MAPT: variants seen among roughly 807,000 people sequenced by gnomAD.
MAPT encodes the protein microtubule associated protein tau.
MAPT carries 34 observed loss-of-function variants against 67.9 expected under a neutral mutation model. The ratio of observed to expected loss-of-function variants is 0.50; its 90% CI spans 0.38 to 0.67. The LOEUF (loss-of-function observed/expected upper bound fraction) is 0.67. MAPT is among the 30% of genes least tolerant of loss of function. The pLI, the probability that MAPT is intolerant of heterozygous loss-of-function variation, is 0.00. For missense variants in MAPT, 881 were observed against 1,115.2 expected (o/e 0.79, Z 2.99); for synonymous variants, 456 against 464.5 (o/e 0.98, Z 0.23).
intron 1 of MAPT, among the ~76,000 whole-genome samples, chr17:45,899,003 G>A (rs2063453748): frequency 6.6e-6 from 1 of 152,176 alleles, no homozygotes. Flanking sequence ...ATGCCCAGGA[G>A]TTAGGTGCTT....
rs66499584 is a variant in MAPT, at chr17:46,014,414, G to A, written c.2173+90G>A. On this transcript the variant is annotated intron_variant, in intron 11 of 12. Transcript: ENST00000262410. Reference sequence around the variant, plus strand: ...CTGGAACTGCTCCAGACTTCAGAAGGGGCTGGAAAGGATATTTTAGGTAGA... The same window carrying A: ...CTGGAACTGCTCCAGACTTCAGAAGAGGCTGGAAAGGATATTTTAGGTAGA... The A allele has an allele frequency of 0.17, 154,494 of 895,370 alleles. 15,737 individuals carry two copies. The highest frequency in any genetic ancestry group is 0.45 in the East Asian group (18,376 of 40,944). 55.5% of individuals were successfully genotyped at this position (895,370 alleles called of 1,614,324 possible). A position where few individuals can be genotyped will look rare whatever the true frequency, so the allele number is the denominator to read the frequency against.
At position 45,896,377 on chromosome 17, in the gene MAPT, G is replaced by A. The variant is rs1179378177; in HGVS notation, c.-18+1691G>A. On this transcript the variant is annotated intron_variant, in intron 1 of 12. Coordinates refer to ENST00000262410, the MANE Select transcript of MAPT (RefSeq NM_001377265.1). The surrounding 1 kb of genome is among the most constrained non-coding windows in gnomAD (Gnocchi z 5.6). ...GGCTACCCATCCGGGGATGGGTGGGGAGCCCTGGCGGGGCCTCTCCGGCTT... is the reference window on the plus strand; with the variant it reads ...GGCTACCCATCCGGGGATGGGTGGGAAGCCCTGGCGGGGCCTCTCCGGCTT... The A allele has an allele frequency of 6.6e-6, 1 of 152,302 alleles. No homozygotes were observed. Among genetic ancestry groups the A allele is most frequent in the African/African-American group, 2.4e-5 (1 of 41,446 alleles). The allele number at this position is 152,302 out of a possible 1,614,324, so 9.4% of individuals were successfully genotyped here.
At chr17:46,014,410 G>T in intron 11 of MAPT, 86 bp downstream of exon 11, 1 of 918,178 alleles carries the variant, frequency 1.1e-6, no homozygotes, top group South Asian at 1.3e-5. Context: ...CCAGACTTCA[G>T]AAGGGGCTGG....
chr17:45,903,952 T>TTATATATTATATATTATATATTA (rs2063887133), intron 1 of MAPT, among the ~76,000 whole-genome samples: 1 of 13,208 alleles, frequency 7.6e-5, no homozygotes, highest in African/African-American at 2.9e-4. Flanking sequence ...ATAATATATA[T>TTATATATTATATATTATATATTA]TATATATTAT....
chr17:46,007,965 A>G (rs1400287694), intron 9 of MAPT, among the ~76,000 whole-genome samples: 1 of 152,238 alleles, frequency 6.6e-6, no homozygotes, highest in Non-Finnish European at 1.5e-5. Context: ...TTGAAGTACA[A>G]AGTGGAATCA....
chr17:45,919,544 T>C (rs1432459148), intron 1 of MAPT, among the ~76,000 whole-genome samples: 1 of 152,182 alleles, frequency 6.6e-6, no homozygotes, highest in Non-Finnish European at 1.5e-5. Context: ...TACATGTTTC[T>C]ACCTTCCCCT....
intron 1 of MAPT, among the ~76,000 whole-genome samples, chr17:45,904,043 T>G (rs1265458846): frequency 8.4e-5 from 1 of 11,926 alleles, no homozygotes; most frequent in Admixed American, 1.6e-3. Flanking sequence ...TATTATATAT[T>G]TATATATATT....
chr17:45,971,952 C>A lies in MAPT; in HGVS notation c.220+7C>A. The A allele has an allele frequency of 6.2e-7, 1 of 1,613,050 alleles. No individual in the cohort carries two copies. The highest frequency in any genetic ancestry group is 8.5e-7 in the Non-Finnish European group (1 of 1,179,198). On this transcript the variant is annotated splice_region_variant and intron_variant, in intron 3 of 12. Coordinates refer to ENST00000262410, the MANE Select transcript of MAPT (RefSeq NM_001377265.1). The surrounding 1 kb of genome is among the most constrained non-coding windows in gnomAD (Gnocchi z 4.3). ...AGCACTCCAACAGCGGAAGGTGGGC[C>A]CCCCTTCAGACGCCCCCTCCATGCC...
rs1040214787 is a variant in MAPT, at chr17:46,024,422, C to T, written c.*251C>T. 1.2e-5 allele frequency: 7 copies of T among 575,264 alleles called. No individual in the cohort carries two copies. Among genetic ancestry groups the T allele is most frequent in the Non-Finnish European group, 2.2e-5 (7 of 322,020 alleles). The allele number at this position is 575,264 out of a possible 1,614,324, so 35.6% of individuals were successfully genotyped here. A position where few individuals can be genotyped will look rare whatever the true frequency, so the allele number is the denominator to read the frequency against. On this transcript the variant is annotated 3_prime_UTR_variant, in exon 13 of 13. Transcript: ENST00000262410. Reference sequence around the variant, plus strand: ...TAGTAATAAAATATTTAAAAAAAAACATTCAAAAACATGGCCACATCCAAC... The same window carrying T: ...TAGTAATAAAATATTTAAAAAAAAATATTCAAAAACATGGCCACATCCAAC...
In MAPT at chr17:45,897,080, C is replaced by A. The variant is rs898507078; in HGVS notation, c.-18+2394C>A. 3 of 152,278 alleles carry A rather than the reference C, an allele frequency of 2.0e-5. No individual in the cohort carries two copies. Among genetic ancestry groups the A allele is most frequent in the East Asian group, 3.9e-4 (2 of 5,192 alleles). The allele number at this position is 152,278 out of a possible 1,614,324, so 9.4% of individuals were successfully genotyped here. A position where few individuals can be genotyped will look rare whatever the true frequency, so the allele number is the denominator to read the frequency against. On this transcript the variant is annotated intron_variant, in intron 1 of 12. Transcript: ENST00000262410. This position sits in a 1 kb window ranked among gnomAD's most constrained non-coding sequence, Gnocchi z 5.0. ...GTAGAGGGCTGGAGCCTGGGTACTG[C>A]GAGGCTCCTCGCATGGCTGGGCCCG...
intron 12 of MAPT, among the ~76,000 whole-genome samples, chr17:46,021,282 A>G (rs967314493): frequency 6.6e-6 from 1 of 152,176 alleles, no homozygotes; most frequent in Admixed American, 6.5e-5. Flanking sequence ...TCGCTATCCA[A>G]AGTGAGAAAA....
intron 1 of MAPT, among the ~76,000 whole-genome samples, chr17:45,910,465 C>T (rs983380899): frequency 3.9e-5 from 6 of 152,022 alleles, no homozygotes; most frequent in African/African-American, 1.4e-4. Flanking sequence ...GGGGCATGGT[C>T]TTCCCCCTAG....
rs1262124359 is a variant in MAPT at position 45,903,993 on chromosome 17, T to C, written c.-18+9307T>C. On this transcript the variant is annotated intron_variant, in intron 1 of 12. Coordinates refer to ENST00000262410, the MANE Select transcript of MAPT (RefSeq NM_001377265.1). ...ATATATTATATATTATATATTTATATATATTATATATTATATATATTATAT... is the reference window on the plus strand; with the variant it reads ...ATATATTATATATTATATATTTATACATATTATATATTATATATATTATAT... Among the ~76,000 whole-genome samples, 49 of 20,696 alleles carry C rather than the reference T, an allele frequency of 2.4e-3. 1 individual carries two copies. Among genetic ancestry groups the C allele is most frequent in the African/African-American group, 8.5e-3 (44 of 5,158 alleles). 13.6% of individuals were successfully genotyped at this position (20,696 alleles called of 152,430 possible).
chr17:45,982,981 G>C lies in MAPT; in HGVS notation c.402G>C (p.Pro134=). ...PCGEASGVSG[P]CLGEKEPEAP... is the part of the protein sequence containing the mutation. ...GAGAGGCCTCTGGGGTCTCTGGGCC[G>C]TGCCTCGGGGAGAAAGAGCCAGAAG... Residue 134 remains proline, a synonymous_variant, in exon 5 of 13, where the codon CCG becomes CCC. Transcript: ENST00000262410. The C allele has an allele frequency of 7.0e-7, 1 of 1,437,330 alleles. No individual in the cohort carries two copies. The allele number at this position is 1,437,330 out of a possible 1,614,324, so 89.0% of individuals were successfully genotyped here. A position where few individuals can be genotyped will look rare whatever the true frequency, so the allele number is the denominator to read the frequency against.
In MAPT at chr17:45,924,240, A is replaced by G. The variant is rs1227997177; in HGVS notation, c.-18+29554A>G. Among the ~76,000 whole-genome samples, 4 of 152,078 alleles carry G rather than the reference A, an allele frequency of 2.6e-5. No individual in the cohort carries two copies. The East Asian group carries it at 7.7e-4, about 29-fold the overall frequency. The stretch of plus-strand genomic sequence containing the variant: ...GGCAAAACCAGAACACAGCCTCTGT[A>G]CCACCCCAGCAGGTATTCAGAATCT... On this transcript the variant is annotated intron_variant, in intron 1 of 12. Coordinates refer to ENST00000262410, the MANE Select transcript of MAPT (RefSeq NM_001377265.1).
intron 1 of MAPT, among the ~76,000 whole-genome samples, chr17:45,953,477 G>A (rs962054279): frequency 3.3e-5 from 5 of 152,210 alleles, no homozygotes; most frequent in African/African-American, 1.2e-4. Context: ...CAGGATCAGG[G>A]TGGAGGCTGA....
intron 1 of MAPT, among the ~76,000 whole-genome samples, chr17:45,961,331 G>A (rs905089971): frequency 6.6e-6 from 1 of 152,230 alleles, no homozygotes; most frequent in African/African-American, 2.4e-5. Flanking sequence ...GAAGAAGGGT[G>A]TGTGTTGCTC....
rs773733811 is a variant in MAPT, at chr17:45,995,400, G to A, written c.1733-999G>A. ...GCTCTATCCACTCTTGAAGGGGATC[G>A]AGAAATTTGCATTTTGCAACTCCCA... is the stretch of plus-strand genomic sequence containing the variant. On this transcript the variant is annotated intron_variant, in intron 8 of 12. Transcript: ENST00000262410. The surrounding 1 kb of genome is among the most constrained non-coding windows in gnomAD (Gnocchi z 4.3). Among the ~76,000 whole-genome samples the A allele has an allele frequency of 2.6e-5, 4 of 152,202 alleles. No homozygotes were observed. The highest frequency in any genetic ancestry group is 2.1e-4 in the South Asian group (1 of 4,838).
chr17:46,024,529 T>C lies in MAPT; in HGVS notation c.*358T>C. The C allele has an allele frequency of 2.6e-6, 1 of 377,466 alleles. No individual in the cohort carries two copies. The highest frequency in any genetic ancestry group is 5.0e-6 in the Non-Finnish European group (1 of 198,946). The allele number at this position is 377,466 out of a possible 1,614,324, so 23.4% of individuals were successfully genotyped here. ...GAGAAGGAGAGGCTCTGAAAGCTGC[T>C]TCTGGGGGATTTCAAGGGACTGGGG... On this transcript the variant is annotated 3_prime_UTR_variant, in exon 13 of 13. Coordinates refer to ENST00000262410, the MANE Select transcript of MAPT (RefSeq NM_001377265.1).
Sources: gnomAD v4.1 joint callset for allele counts (sites outside exome capture counted in the v4.1 genomes callset) on GRCh38, gnomAD v4.1.1 for gene constraint, Gnocchi (gnomAD v3.1) non-coding constraint, MANE v1.5 for transcripts, NCBI Gene and HGNC (gene_info 2026-07-23, HGNC 2026-07-21) for gene names.